GBP5: variants seen among roughly 807,000 people sequenced by gnomAD.
GBP5 encodes the protein guanylate binding protein 5, also known as guanylate-binding protein 5.
GBP5 carries 48 observed loss-of-function variants against 58.2 expected under a neutral mutation model. That is an observed-to-expected ratio of 0.83 (90% CI 0.65 to 1.05). The LOEUF (loss-of-function observed/expected upper bound fraction) is 1.05, where lower values mean the gene tolerates loss of function less well. Among genes scored for constraint, GBP5 ranks in the 50% least tolerant of loss-of-function variants. The pLI is 0.00. For missense variants in GBP5, 714 were observed against 686.8 expected (o/e 1.04, Z -0.44); for synonymous variants, 248 against 251.8 (o/e 0.98, Z 0.14).
chr1:89,270,788 T>C lies in GBP5; in HGVS notation c.-53A>G, dbSNP rs1475123894. On this transcript the variant is annotated 5_prime_UTR_variant, in exon 2 of 12. The change creates a new upstream start codon in the 5' untranslated region. Transcript: ENST00000370459. Reference sequence around the variant, plus strand: ...TGTAGAATTCTGGTTGCCTGATTTGTATGCAGCGGAGGCCAGAATAATTTT... The same window carrying C: ...TGTAGAATTCTGGTTGCCTGATTTGCATGCAGCGGAGGCCAGAATAATTTT... The C allele has an allele frequency of 2.0e-5, 3 of 152,216 alleles. No individual in the cohort carries two copies. The highest frequency in any genetic ancestry group is 6.5e-5 in the Admixed American group (1 of 15,280). The allele number at this position is 152,216 out of a possible 1,614,324, so 9.4% of individuals were successfully genotyped here.
In GBP5 at chr1:89,257,565, T is replaced by C. The variant is rs868406475; in HGVS notation, c.*3139A>G. Reference sequence around the variant, plus strand: ...TTTAATTTCAATGCTTTAACAATAATAACTTTAATAATGATAACACTAACA... The same window carrying C: ...TTTAATTTCAATGCTTTAACAATAACAACTTTAATAATGATAACACTAACA... On this transcript the variant is annotated 3_prime_UTR_variant, in exon 12 of 12. Coordinates refer to ENST00000370459, the MANE Select transcript of GBP5 (RefSeq NM_052942.5). 1.3e-4 allele frequency among the ~76,000 whole-genome samples: 20 copies of C among 152,322 alleles called. No homozygotes were observed. The highest frequency in any genetic ancestry group is 2.1e-4 in the Non-Finnish European group (14 of 68,024).
At position 89,268,736 on chromosome 1, in the gene GBP5, A is replaced by C; in HGVS notation, c.311T>G (p.Val104Gly). ...VLLDTEGLGD[V>G]EKADNKNDIQ... The stretch of plus-strand genomic sequence containing the variant: ...AAAGGAATCCTTCCTTACCTTCTCT[A>C]CATCTCCCAGGCCCTCGGTGTCAAG... Residue 104 changes from valine (V) to glycine (G), a missense_variant, in exon 4 of 12, where the codon GTA becomes GGA. Transcript: ENST00000370459. The C allele has an allele frequency of 6.2e-7, 1 of 1,613,982 alleles. No individual in the cohort carries two copies. The highest frequency in any genetic ancestry group is 8.5e-7 in the Non-Finnish European group (1 of 1,179,922).
In GBP5 at chr1:89,266,460, G is replaced by A. The variant is rs1165102389; in HGVS notation, c.754C>T (p.Pro252Ser). 6.2e-7 allele frequency: 1 copy of A among 1,614,166 alleles called. No individual in the cohort carries two copies. ...QKKLAQLETL[P>S]DDELEPEFVQ... ...AATTCAGGCTCTAGCTCATCATCAG[G>A]CAGTGTTTCAAGTTGGGCAAGCTTT... The change falls in exon 7 of 12, where the codon CCT (proline) becomes TCT (serine). Residue 252 changes from proline (P) to serine (S), a missense_variant. Pro to Ser is a moderately conservative substitution (Grantham distance 74). Coordinates refer to ENST00000370459, the MANE Select transcript of GBP5 (RefSeq NM_052942.5).
chr1:89,261,852 G>A (rs538259529), intron 11 of GBP5, among the ~76,000 whole-genome samples: 2 of 152,164 alleles, frequency 1.3e-5, no homozygotes, highest in Admixed American at 1.3e-4. Context: ...CAATTAACAA[G>A]TCAACAGGAA....
rs1650416064 is a variant in GBP5 at position 89,270,806 on chromosome 1, A to G, written c.-71T>C. ...TGATTTGTATGCAGCGGAGGCCAGA[A>G]TAATTTTTCCACTAGAAAGATATGG... is the stretch of plus-strand genomic sequence containing the variant. On this transcript the variant is annotated 5_prime_UTR_variant, in exon 2 of 12. Coordinates refer to ENST00000370459, the MANE Select transcript of GBP5 (RefSeq NM_052942.5). 1 of 152,216 alleles carries G rather than the reference A, an allele frequency of 6.6e-6. No homozygotes were observed. The highest frequency in any genetic ancestry group is 2.4e-5 in the African/African-American group (1 of 41,462). 9.4% of individuals were successfully genotyped at this position (152,216 alleles called of 1,614,324 possible).
chr1:89,265,544 C>T (rs1177492279), intron 7 of GBP5, among the ~76,000 whole-genome samples: 3 of 151,048 alleles, frequency 2.0e-5, no homozygotes, highest in African/African-American at 4.9e-5. Context: ...TTGGCTAACA[C>T]GGTGAAACCC....
Position 89,261,132 on chromosome 1 carries a change from G to C in GBP5, c.1648-315C>G, listed in dbSNP as rs184419715. On this transcript the variant is annotated intron_variant, in intron 11 of 11. Transcript: ENST00000370459. ...GACTTCAATTCTCATACACACACAG[G>C]AGACTCTCAGATATATTTCTAAGAG... Among the ~76,000 whole-genome samples, 42 of 152,238 alleles carry C rather than the reference G, an allele frequency of 2.8e-4. No individual in the cohort carries two copies. The East Asian group carries it at 7.9e-3, about 29-fold the overall frequency.
Position 89,260,706 on chromosome 1 carries a change from A to T in GBP5, c.1759T>A (p.Ter587LysextTer23). Residue 587 changes from the stop codon to lysine, a stop_lost, in exon 12 of 12, where the codon TAA becomes AAA. Transcript: ENST00000370459. ...VNNDDPCVLL[*>K] Reference sequence around the variant, plus strand: ...AGGAAACTCCCATATTTAGCACTTTAGAGTAAAACACATGGATCATCGTTA... The same window carrying T: ...AGGAAACTCCCATATTTAGCACTTTTGAGTAAAACACATGGATCATCGTTA... The T allele has an allele frequency of 6.2e-7, 1 of 1,602,966 alleles. No individual in the cohort carries two copies. Among genetic ancestry groups the T allele is most frequent in the South Asian group, 1.1e-5 (1 of 90,798 alleles).
chr1:89,266,394 G>A lies in GBP5; in HGVS notation c.820C>T (p.His274Tyr). The A allele has an allele frequency of 6.2e-7, 1 of 1,613,332 alleles. No homozygotes were observed. Among genetic ancestry groups the A allele is most frequent in the Non-Finnish European group, 8.5e-7 (1 of 1,179,264 alleles). ...CCTGGAAGAGTCTTGGTCATAGAATGGCTAAAGATGTAGGAACAGAATTCT... is the reference window on the plus strand; with the variant it reads ...CCTGGAAGAGTCTTGGTCATAGAATAGCTAAAGATGTAGGAACAGAATTCT... ...VTEFCSYIFSHSMTKTLPGGI... is the reference protein window; with the variant it reads ...VTEFCSYIFSYSMTKTLPGGI... The change falls in exon 7 of 12, where the codon CAT becomes TAT. Residue 274 changes from histidine (H) to tyrosine (Y), a missense_variant. By Grantham distance (83) the His-to-Tyr change is moderately conservative (BLOSUM62 2). Coordinates refer to ENST00000370459, the MANE Select transcript of GBP5 (RefSeq NM_052942.5).
rs1463322261 is a variant in GBP5 at position 89,258,168 on chromosome 1, C to T, written c.*2536G>A. On this transcript the variant is annotated 3_prime_UTR_variant, in exon 12 of 12. Transcript: ENST00000370459. ...GGTGGGGAAGAATATCTGTGGATCA[C>T]TAATGAAAGCAGCATGCCTCTCTGG... Among the ~76,000 whole-genome samples the T allele has an allele frequency of 6.6e-6, 1 of 152,108 alleles. No individual in the cohort carries two copies. The highest frequency in any genetic ancestry group is 6.5e-5 in the Admixed American group (1 of 15,272).
intron 11 of GBP5, chr1:89,261,976 A>T (rs1287667216): frequency 2.3e-5 from 11 of 478,358 alleles, no homozygotes; most frequent in Non-Finnish European, 4.1e-5. Context: ...TTATCAAAAT[A>T]ACCCTATAAC....
intron 9 of GBP5, 123 bp from the exon 10 acceptor site, chr1:89,262,908 G>T: frequency 3.3e-6 from 2 of 605,886 alleles, no homozygotes; most frequent in Middle Eastern, 2.6e-4. Context: ...CATAGGAGAG[G>T]CTCCATAGGA....
chr1:89,268,767 C>G lies in GBP5; in HGVS notation c.280G>C (p.Val94Leu). ...PHPNWPNHTL[V>L]LLDTEGLGDV... ...CCCAGGCCCTCGGTGTCAAGCAGAA[C>G]TAATGTGTGATTTGGCCAGTTGGGA... The change falls in exon 4 of 12, where the codon GTT (valine) becomes CTT (leucine). Residue 94 changes from valine to leucine, a missense_variant. By Grantham distance (32) the Val-to-Leu change is conservative. Transcript: ENST00000370459. 6.2e-7 allele frequency: 1 copy of G among 1,614,020 alleles called. No homozygotes were observed. The highest frequency in any genetic ancestry group is 8.5e-7 in the Non-Finnish European group (1 of 1,179,980).
intron 11 of GBP5, among the ~76,000 whole-genome samples, chr1:89,261,660 G>A (rs1051014955): frequency 2.0e-5 from 3 of 152,196 alleles, no homozygotes; most frequent in Non-Finnish European, 2.9e-5. Flanking sequence ...AATAACTACT[G>A]GAGAGTGCTT....
Position 89,260,197 on chromosome 1 carries a change from A to C in GBP5, c.*507T>G, listed in dbSNP as rs1027673150. ...ATGCACAGTTCACAATAGGGTTCCCACTCCTGTGAGAATCTAATGTCACTG... is the reference window on the plus strand; with the variant it reads ...ATGCACAGTTCACAATAGGGTTCCCCCTCCTGTGAGAATCTAATGTCACTG... On this transcript the variant is annotated 3_prime_UTR_variant, in exon 12 of 12. Transcript: ENST00000370459. The C allele has an allele frequency of 1.3e-5, 2 of 154,770 alleles. No individual in the cohort carries two copies. The highest frequency in any genetic ancestry group is 4.8e-5 in the African/African-American group (2 of 41,374). The allele number at this position is 154,770 out of a possible 1,614,324, so 9.6% of individuals were successfully genotyped here.
rs1649976798 is a variant in GBP5, at chr1:89,260,742, T to C, written c.1723A>G (p.Arg575Gly). 6.2e-7 allele frequency: 1 copy of C among 1,614,050 alleles called. No individual in the cohort carries two copies. The highest frequency in any genetic ancestry group is 1.7e-5 in the Admixed American group (1 of 60,022). The part of the protein sequence containing the change: ...SLLSELQHAQ[R>G]TVNNDDPCVL... The stretch of plus-strand genomic sequence containing the variant: ...CATGGATCATCGTTATTAACAGTCC[T>C]CTGGGCGTGCTGGAGCTCACTGAGA... The change falls in exon 12 of 12, where the codon AGG becomes GGG. Residue 575 changes from arginine to glycine, a missense_variant. Arg to Gly is a moderately radical substitution (Grantham distance 125). Transcript: ENST00000370459.
chr1:89,272,053 CA>C (rs1213335696), intron 1 of GBP5: 1 of 152,166 alleles, frequency 6.6e-6, no homozygotes, highest in African/African-American at 2.4e-5. Flanking sequence ...TACATTGCAT[CA>C]TATTCATTGT....
chr1:89,267,025 C>T lies in GBP5; in HGVS notation c.557G>A (p.Gly186Asp). The T allele has an allele frequency of 2.5e-6, 4 of 1,612,396 alleles. No homozygotes were observed. Among genetic ancestry groups the T allele is most frequent in the Non-Finnish European group, 3.4e-6 (4 of 1,179,670 alleles). ...GACAAGTTGCCCATCTATTTCCAGG[C>T]CTAAGCAGAAATCTCTCAGAGTCCA... ...LVWTLRDFCL[G>D]LEIDGQLVTP... Residue 186 changes from glycine (G) to aspartate (D), a missense_variant, in exon 6 of 12, where the codon GGC becomes GAC. Coordinates refer to ENST00000370459, the MANE Select transcript of GBP5 (RefSeq NM_052942.5).
rs143883598 is a variant in GBP5 at position 89,264,835 on chromosome 1, C to T, written c.1000G>A (p.Asp334Asn). ...AAVQKAIAHY[D>N]QQMGQKVQLP... is the part of the protein sequence containing the mutation. Reference sequence around the variant, plus strand: ...TGCACTTTCTGGCCCATTTGCTGGTCATAGTGGGCAATGGCCTTTTGCACT... The same window carrying T: ...TGCACTTTCTGGCCCATTTGCTGGTTATAGTGGGCAATGGCCTTTTGCACT... The change falls in exon 8 of 12, where the codon GAC (aspartate) becomes AAC (asparagine). Residue 334 changes from aspartate to asparagine, a missense_variant. By Grantham distance (23) the Asp-to-Asn change is conservative. Transcript: ENST00000370459. 6 of 1,614,178 alleles carry T rather than the reference C, an allele frequency of 3.7e-6. No individual in the cohort carries two copies. In the South Asian group the frequency reaches 6.6e-5, roughly 18 times the overall value.
Sources: allele counts gnomAD v4.1 joint callset (sites outside exome capture counted in the v4.1 genomes callset), GRCh38; gene constraint gnomAD v4.1.1; transcripts MANE v1.5; gene names NCBI Gene and HGNC (gene_info 2026-07-23, HGNC 2026-07-21).